ACY3: variants seen among roughly 807,000 people sequenced by gnomAD.
ACY3 encodes the protein N-acyl-aromatic-L-amino acid amidohydrolase (carboxylate-forming).
A neutral mutation model predicts 24.6 loss-of-function variants in ACY3; 20 were observed. The observed-to-expected ratio is 0.81, with a 90% CI of 0.57 to 1.18. The LOEUF (loss-of-function observed/expected upper bound fraction) is 1.18. Among genes scored for constraint, ACY3 ranks in the 50% most tolerant of loss-of-function variants. The probability of loss-of-function intolerance (pLI) is 0.00; values close to 1 mark genes in which losing one functional copy is unlikely to be tolerated. For synonymous variants in ACY3, 174 were observed against 188.4 expected (o/e 0.92, Z 0.62); for missense variants, 423 against 426.8 (o/e 0.99, Z 0.08).
chr11:67,649,892 G>C (rs1036492035), intron 1 of ACY3, among the ~76,000 whole-genome samples: 5 of 151,682 alleles, frequency 3.3e-5, no homozygotes, highest in Non-Finnish European at 7.4e-5. Context: ...GTGTGCATGT[G>C]CTTGAGAGCG....
At chr11:67,644,940 A>G in intron 6 of ACY3, 71 bp from the exon 7 acceptor site, 1 of 1,584,298 alleles carries the variant, frequency 6.3e-7, no homozygotes, top group East Asian at 2.2e-5. Flanking sequence ...CCGTGGGGGT[A>G]CGTCAGGGCT....
chr11:67,643,228 T>TA (rs1293495715), intron 7 of ACY3, among the ~76,000 whole-genome samples: 1 of 152,262 alleles, frequency 6.6e-6, no homozygotes, highest in Non-Finnish European at 1.5e-5. Context: ...GCTAGCTGTG[T>TA]AACTGTGAGC....
chr11:67,649,726 TGA>T (rs1205382416), intron 1 of ACY3, among the ~76,000 whole-genome samples: 3 of 149,806 alleles, frequency 2.0e-5, no homozygotes, highest in African/African-American at 7.6e-5. Context: ...CGTGTGTGCA[TGA>T]GAGCATGTGT....
chr11:67,645,313 A>G lies in ACY3; in HGVS notation c.500T>C (p.Leu167Pro). Residue 167 changes from leucine to proline, a missense_variant, in exon 5 of 8, where the codon CTG becomes CCG. Transcript: ENST00000255082. ...YQRSGEESYN[L>P]DSVAKNGLGL... ...CAGTCCATTTTTGGCCACAGAGTCC[A>G]GGTTGTAGCTCTCCTCCCCAGACCG... The G allele has an allele frequency of 2.5e-6, 4 of 1,613,636 alleles. No homozygotes were observed. Among genetic ancestry groups the G allele is most frequent in the Non-Finnish European group, 3.4e-6 (4 of 1,179,966 alleles).
intron 1 of ACY3, among the ~76,000 whole-genome samples, chr11:67,649,634 ATGCGTGTGTGCG>A (rs1357712848): frequency 1.4e-5 from 2 of 141,352 alleles, no homozygotes; most frequent in Admixed American, 6.9e-5. Context: ...ACGTGACAGC[ATGCGTGTGTGCG>A]TGCGTGTGTA....
At chr11:67,648,308 T>C (rs1367477620) in intron 1 of ACY3, among the ~76,000 whole-genome samples, 1 of 152,008 alleles carries the variant, frequency 6.6e-6, no homozygotes, top group African/African-American at 2.4e-5. Context: ...AGAGGCGGGC[T>C]GCAGGTGGCG....
In ACY3 at chr11:67,642,696, G is replaced by A. The variant is rs770528217; in HGVS notation, c.*28C>T. On this transcript the variant is annotated 3_prime_UTR_variant, in exon 8 of 8. Transcript: ENST00000255082. ...TCAGGACCCATCGTTCAGATGGGAA[G>A]ACTGAGGTTGGGGAGGTGTGTCTTG... 7.5e-6 allele frequency: 12 copies of A among 1,609,888 alleles called. No individual in the cohort carries two copies. Among genetic ancestry groups the A allele is most frequent in the Non-Finnish European group, 1.0e-5 (12 of 1,176,326 alleles).
rs751392179 is a variant in ACY3, at chr11:67,646,828, G to C, written c.216C>G (p.Thr72=). 1 of 1,613,092 alleles carries C rather than the reference G, an allele frequency of 6.2e-7. No individual in the cohort carries two copies. The highest frequency in any genetic ancestry group is 1.7e-5 in the Admixed American group (1 of 59,984). Residue 72 remains threonine (T), a synonymous_variant, in exon 3 of 8, where the codon ACC becomes ACG. Transcript: ENST00000255082. ...CTCACTTGAGGAAGCTGCTGGTGAA[G>C]GTGCGGTTGAGGTCATGGTCCACGT... ...RRYVDHDLNR[T]FTSSFLNSRP...
chr11:67,645,671 T>A, intron 4 of ACY3, 21 bp downstream of exon 4: 1 of 1,579,220 alleles, frequency 6.3e-7, no homozygotes, highest in Non-Finnish European at 8.6e-7. Flanking sequence ...TGGGGAGCTG[T>A]GTGCTTGGGG....
chr11:67,642,991 C>T (rs1855438155), intron 7 of ACY3, 52 bp from the exon 8 acceptor site: 1 of 1,555,208 alleles, frequency 6.4e-7, no homozygotes, highest in African/African-American at 1.4e-5. Flanking sequence ...TGCCCTGGCC[C>T]CAGAGGGGGG....
intron 1 of ACY3, among the ~76,000 whole-genome samples, chr11:67,649,062 T>G (rs1430316655): frequency 6.6e-6 from 1 of 152,200 alleles, no homozygotes; most frequent in Non-Finnish European, 1.5e-5. Context: ...GGCTCCATTT[T>G]GCAGGTGTGG....
rs763284642 is a variant in ACY3 at position 67,642,944 on chromosome 11, G to A, written c.745-5C>T. On this transcript the variant is annotated splice_region_variant and splice_polypyrimidine_tract_variant and intron_variant, in intron 7 of 7. Coordinates refer to ENST00000255082, the MANE Select transcript of ACY3 (RefSeq NM_080658.2). The stretch of plus-strand genomic sequence containing the variant: ...CAGTGGCTGGAAGTCTCGGTCCTGG[G>A]AGGAGAGCCAAAGGCCAAGATTGCT... 10 of 1,612,526 alleles carry A rather than the reference G, an allele frequency of 6.2e-6. No homozygotes were observed. The highest frequency in any genetic ancestry group is 8.5e-6 in the Non-Finnish European group (10 of 1,179,516).
chr11:67,646,340 G>A (rs1441348082), intron 3 of ACY3, among the ~76,000 whole-genome samples: 4 of 152,218 alleles, frequency 2.6e-5, no homozygotes, highest in Non-Finnish European at 5.9e-5. Context: ...TGTAGCCTCC[G>A]GCCCTGCCTT....
chr11:67,646,676 G>A (rs1477962678), intron 3 of ACY3, 132 bp downstream of exon 3: 4 of 893,302 alleles, frequency 4.5e-6, no homozygotes, highest in South Asian at 2.9e-5. Context: ...GTCCCGTGGA[G>A]GAATGGGCCA....
intron 2 of ACY3, 115 bp downstream of exon 2, chr11:67,647,401 G>C (rs1855538477): frequency 4.6e-6 from 1 of 217,670 alleles, no homozygotes; most frequent in East Asian, 1.0e-4. Context: ...GGAGTGGAAA[G>C]TGTCACCAGA....
intron 7 of ACY3, 72 bp from the exon 8 acceptor site, chr11:67,643,011 C>T: frequency 1.4e-6 from 2 of 1,379,932 alleles, no homozygotes; most frequent in Non-Finnish European, 2.0e-6. Flanking sequence ...GTGACCCCAG[C>T]TTGACACCCA....
Position 67,642,823 on chromosome 11 carries a change from G to C in ACY3, c.861C>G (p.Ala287=). 6.2e-7 allele frequency: 1 copy of C among 1,614,166 alleles called. No individual in the cohort carries two copies. Among genetic ancestry groups the C allele is most frequent in the Non-Finnish European group, 8.5e-7 (1 of 1,180,050 alleles). ...TVYPVFINEA[A]YYEKGVAFVQ... ...CAAAGGCAACGCCCTTCTCATAGTAGGCAGCCTCGTTAATGAACACGGGGT... is the reference window on the plus strand; with the variant it reads ...CAAAGGCAACGCCCTTCTCATAGTACGCAGCCTCGTTAATGAACACGGGGT... Residue 287 remains alanine (A), a synonymous_variant, in exon 8 of 8, where the codon GCC becomes GCG. Coordinates refer to ENST00000255082, the MANE Select transcript of ACY3 (RefSeq NM_080658.2).
rs1233409857 is a variant in ACY3, at chr11:67,642,943, GGAGGA to G, written c.745-9_745-5del. ...GCAGTGGCTGGAAGTCTCGGTCCTG[GGAGGA>G]GAGCCAAAGGCCAAGATTGCTGGGG... is the stretch of plus-strand genomic sequence containing the variant. On this transcript the variant is annotated splice_region_variant and splice_polypyrimidine_tract_variant and intron_variant, in intron 7 of 7. Transcript: ENST00000255082. The G allele has an allele frequency of 2.5e-6, 4 of 1,612,528 alleles. No homozygotes were observed. Among genetic ancestry groups the G allele is most frequent in the Non-Finnish European group, 3.4e-6 (4 of 1,179,576 alleles).
intron 1 of ACY3, among the ~76,000 whole-genome samples, chr11:67,650,041 C>G (rs1871038): frequency 0.068 from 10,380 of 152,284 alleles, 1,204 homozygotes; most frequent in African/African-American, 0.24. Context: ...TGGCTCCACC[C>G]TGTGAAAGTC....
Sources: gnomAD v4.1 joint callset for allele counts (sites outside exome capture counted in the v4.1 genomes callset) on GRCh38, gnomAD v4.1.1 for gene constraint, MANE v1.5 for transcripts, NCBI Gene and HGNC (gene_info 2026-07-23, HGNC 2026-07-21) for gene names.